Variants in PLCG2 observed in about 807,000 individuals in gnomAD.
PLCG2 encodes the protein phospholipase C gamma 2.
In PLCG2, 69 loss-of-function variants were observed where a neutral mutation model predicts 175.6. That is an observed-to-expected ratio of 0.39 (90% CI 0.32 to 0.48). PLCG2 has a LOEUF of 0.48. PLCG2 is among the 20% of genes least tolerant of loss of function. PLCG2 has a pLI of 0.91. For synonymous variants in PLCG2, 827 were observed against 624.0 expected (o/e 1.33, Z -4.85); for missense variants, 1,798 against 1,650.9 (o/e 1.09, Z -1.54).
intron 1 of PLCG2, among the ~76,000 whole-genome samples, chr16:81,781,383 G>A (rs936322891): frequency 6.6e-6 from 1 of 150,992 alleles, no homozygotes; most frequent in Non-Finnish European, 1.5e-5. Flanking sequence ...TATCCAGGAG[G>A]CCCCCCACAT....
chr16:81,886,886 C>T (rs1483746912), intron 9 of PLCG2, among the ~76,000 whole-genome samples: 1 of 152,154 alleles, frequency 6.6e-6, no homozygotes, highest in Non-Finnish European at 1.5e-5. Flanking sequence ...TTGCCATTTT[C>T]ACTATTACAG....
At chr16:81,750,393 C>G (rs1026234159) in intron 1 of PLCG2, among the ~76,000 whole-genome samples, 3 of 136,116 alleles carry the variant, frequency 2.2e-5, no homozygotes, top group African/African-American at 8.6e-5. Flanking sequence ...GCACTCCAGC[C>G]TGGGTGGTGA....
chr16:81,843,445 A>G (rs558991627), intron 2 of PLCG2, among the ~76,000 whole-genome samples: 4 of 152,318 alleles, frequency 2.6e-5, no homozygotes, highest in East Asian at 3.9e-4. Flanking sequence ...ATATTACATC[A>G]TATTACACAG....
intron 2 of PLCG2, among the ~76,000 whole-genome samples, chr16:81,799,625 G>A (rs891725899): frequency 7.4e-6 from 1 of 135,994 alleles, no homozygotes; most frequent in Admixed American, 8.0e-5. Context: ...TTGAGACAGA[G>A]TCTCGCTCTA....
At chr16:81,847,901 G>T (rs995504865) in intron 2 of PLCG2, among the ~76,000 whole-genome samples, 2 of 152,150 alleles carry the variant, frequency 1.3e-5, no homozygotes, top group African/African-American at 4.8e-5. Flanking sequence ...GAAGATCCTG[G>T]AACCGATCCC....
At chr16:81,881,229 G>T (rs1908065057) in intron 8 of PLCG2, among the ~76,000 whole-genome samples, 1 of 151,042 alleles carries the variant, frequency 6.6e-6, no homozygotes, top group African/African-American at 2.4e-5. Context: ...TGCCTCATGA[G>T]ATGTGACAGG....
intron 2 of PLCG2, among the ~76,000 whole-genome samples, chr16:81,805,771 T>TGTTTTG (rs749338674): frequency 3.4e-5 from 3 of 87,874 alleles, no homozygotes; most frequent in Non-Finnish European, 4.6e-5. Context: ...TGTTTTGTTT[T>TGTTTTG]TTTTTTTTTT....
intron 2 of PLCG2, among the ~76,000 whole-genome samples, chr16:81,810,742 G>T (rs1287219264): frequency 6.6e-6 from 1 of 151,500 alleles, no homozygotes; most frequent in East Asian, 1.9e-4. Context: ...GATTTATTCA[G>T]TGACTATCTA....
chr16:81,867,003 C>T (rs1396009661), intron 5 of PLCG2, among the ~76,000 whole-genome samples: 1 of 152,228 alleles, frequency 6.6e-6, no homozygotes, highest in Admixed American at 6.5e-5. Context: ...TTTCTGCCCT[C>T]AAGGTCTGTC....
chr16:81,930,747 CAAA>C (rs34004978), intron 24 of PLCG2, among the ~76,000 whole-genome samples: 10 of 125,800 alleles, frequency 7.9e-5, no homozygotes, highest in Non-Finnish European at 1.1e-4. Context: ...CACCCTGTCT[CAAA>C]AAAAAAAAAA....
intron 1 of PLCG2, among the ~76,000 whole-genome samples, chr16:81,739,902 C>T (rs1366323145): frequency 6.6e-6 from 1 of 152,178 alleles, no homozygotes; most frequent in Non-Finnish European, 1.5e-5. Flanking sequence ...CTTTGGGAGG[C>T]CAAGGCAGGT....
At chr16:81,802,593 G>A (rs1294264430) in intron 2 of PLCG2, among the ~76,000 whole-genome samples, 1 of 151,992 alleles carries the variant, frequency 6.6e-6, no homozygotes, top group Non-Finnish European at 1.5e-5. Flanking sequence ...TTGAGACTGA[G>A]TGGAGTTTCA....
intron 25 of PLCG2, among the ~76,000 whole-genome samples, chr16:81,932,658 G>A (rs961618956): frequency 7.9e-5 from 12 of 152,316 alleles, no homozygotes; most frequent in African/African-American, 2.4e-4. Context: ...CCCTGGTCAC[G>A]AGAGGATCCT....
intron 2 of PLCG2, among the ~76,000 whole-genome samples, chr16:81,804,887 T>C (rs1172878302): frequency 6.6e-6 from 1 of 152,328 alleles, no homozygotes; most frequent in African/African-American, 2.4e-5. Flanking sequence ...GCATCTGCCA[T>C]GTGTCAGTAT....
At position 81,889,367 on chromosome 16, in the gene PLCG2, A is replaced by T. The variant is rs1908524812; in HGVS notation, c.867+94A>T. 6 of 729,028 alleles carry T rather than the reference A, an allele frequency of 8.2e-6. No homozygotes were observed. In the Admixed American group the frequency reaches 8.8e-5, roughly 11 times the overall value. The allele number at this position is 729,028 out of a possible 1,614,324, so 45.2% of individuals were successfully genotyped here. A position where few individuals can be genotyped will look rare whatever the true frequency, so the allele number is the denominator to read the frequency against. On this transcript the variant is annotated intron_variant, in intron 10 of 32. Transcript: ENST00000564138. ...ATTTTCTGTTTGTCTTTCCTTGGAG[A>T]ACTTTGCTGTATGATGTTGCCTCGA...
intron 31 of PLCG2, among the ~76,000 whole-genome samples, chr16:81,953,578 G>T (rs1911452249): frequency 6.6e-6 from 1 of 152,108 alleles, no homozygotes; most frequent in Non-Finnish European, 1.5e-5. Flanking sequence ...ATTACCAAAA[G>T]CTTCATTTTC....
At chr16:81,770,817 G>A (rs955767811) in intron 2 of PLCG2, among the ~76,000 whole-genome samples, 6 of 152,130 alleles carry the variant, frequency 3.9e-5, no homozygotes, top group African/African-American at 1.2e-4. Flanking sequence ...CCAGCACTTT[G>A]CGGGGCCGAG....
chr16:81,840,332 G>A (rs934392060), intron 2 of PLCG2, among the ~76,000 whole-genome samples: 1 of 152,172 alleles, frequency 6.6e-6, no homozygotes, highest in Non-Finnish European at 1.5e-5. Context: ...ACCAGGGGCC[G>A]GTTTTGTGGA....
At position 81,900,376 on chromosome 16, in the gene PLCG2, G is replaced by A. The variant is rs185204267; in HGVS notation, c.1194-236G>A. On this transcript the variant is annotated intron_variant, in intron 13 of 32. Coordinates refer to ENST00000564138, the MANE Select transcript of PLCG2 (RefSeq NM_002661.5). ...ATGGAAAAAAATACAGAGAAAAGGT[G>A]CATTCTGGGGTATGGGGAAGCTCCT... Among the ~76,000 whole-genome samples the A allele has an allele frequency of 1.4e-3, 215 of 152,340 alleles. 2 individuals carry two copies. The highest frequency in any genetic ancestry group is 2.1e-4 in the Non-Finnish European group (14 of 68,028).
Sources: gnomAD v4.1 joint callset for allele counts (sites outside exome capture counted in the v4.1 genomes callset) on GRCh38, gnomAD v4.1.1 for gene constraint, MANE v1.5 for transcripts, NCBI Gene and HGNC (gene_info 2026-07-23, HGNC 2026-07-21) for gene names.